The following LAMA2 variants were observed in gnomAD, a reference collection of about 807,000 sequenced individuals.
LAMA2 encodes laminin subunit alpha-2.
A neutral mutation model predicts 364.8 loss-of-function variants in LAMA2; 269 were observed. That is an observed-to-expected ratio of 0.74 (90% confidence interval 0.67 to 0.82). LAMA2 has a LOEUF of 0.82. Among genes scored for constraint, LAMA2 ranks in the 40% least tolerant of loss-of-function variants. The probability of loss-of-function intolerance (pLI) is 0.00; values close to 1 mark genes in which losing one functional copy is unlikely to be tolerated. For missense variants in LAMA2, 3,807 were observed against 3,873.2 expected, an observed-to-expected ratio of 0.98 and a Z score of 0.45; for synonymous variants, 1,379 against 1,370.6, an observed-to-expected ratio of 1.01 and a Z score of -0.14.
In LAMA2 at chr6:129,165,634, T is replaced by C; in HGVS notation, c.1265T>C (p.Leu422Ser). The stretch of plus-strand genomic sequence containing the variant: ...TGTCATTGCGATCCAATTGGTTCCT[T>C]AAATGAAGTCTGTGTCAAGGATGAG... ...QPCHCDPIGSLNEVCVKDEKH... is the reference protein window; with the variant it reads ...QPCHCDPIGSSNEVCVKDEKH... Residue 422 changes from leucine to serine, a missense_variant, in exon 9 of 65, where the codon TTA becomes TCA. Physicochemically the swap from Leu to Ser is moderately radical, Grantham distance 145 (BLOSUM62 -2). This residue lies in a region of LAMA2 where 3,333 missense variants were observed against 3,345.7 expected (regional missense o/e 1.00). Transcript: ENST00000421865. 1 of 1,613,320 alleles carries C rather than the reference T, an allele frequency of 6.2e-7. No individual in the cohort carries two copies. Among genetic ancestry groups the C allele is most frequent in the South Asian group, 1.1e-5 (1 of 91,002 alleles).
chr6:129,247,931 C>A (rs887057385), intron 12 of LAMA2, among the ~76,000 whole-genome samples: 2 of 152,082 alleles, frequency 1.3e-5, no homozygotes, highest in Non-Finnish European at 2.9e-5. Flanking sequence ...CCTCTTTTCC[C>A]CCTTCCCACC....
At chr6:129,238,218 A>G (rs1435470218) in intron 12 of LAMA2, among the ~76,000 whole-genome samples, 1 of 152,066 alleles carries the variant, frequency 6.6e-6, no homozygotes, top group Admixed American at 6.6e-5. Context: ...TTTCCACACA[A>G]GCATTTAAAA....
intron 12 of LAMA2, among the ~76,000 whole-genome samples, chr6:129,225,117 G>T (rs1784155024): frequency 6.6e-6 from 1 of 152,150 alleles, no homozygotes; most frequent in African/African-American, 2.4e-5. Flanking sequence ...TAGTTTATTT[G>T]CATAGAGGTG....
intron 1 of LAMA2, among the ~76,000 whole-genome samples, chr6:129,033,431 A>G (rs1019837625): frequency 2.0e-5 from 3 of 152,182 alleles, no homozygotes; most frequent in Non-Finnish European, 4.4e-5. Flanking sequence ...ATCAAAGCAT[A>G]GATGAGTCTC....
At chr6:129,107,592 A>AAAT (rs1372503494) in intron 4 of LAMA2, among the ~76,000 whole-genome samples, 1 of 152,182 alleles carries the variant, frequency 6.6e-6, no homozygotes, top group African/African-American at 2.4e-5. Context: ...AAGTAGACAA[A>AAAT]AATAATAATA....
chr6:129,350,922 A>G (rs1776819298), intron 31 of LAMA2, among the ~76,000 whole-genome samples: 1 of 152,204 alleles, frequency 6.6e-6, no homozygotes, highest in African/African-American at 2.4e-5. Context: ...AAAACAGTGG[A>G]TTCACAATTT....
At position 129,402,412 on chromosome 6, in the gene LAMA2, G is replaced by A. The variant is rs1469843993; in HGVS notation, c.5651G>A (p.Arg1884Lys). 6.2e-7 allele frequency: 1 copy of A among 1,614,080 alleles called. No individual in the cohort carries two copies. The highest frequency in any genetic ancestry group is 1.7e-5 in the Admixed American group (1 of 60,022). Residue 1884 changes from arginine to lysine, a missense_variant, in exon 39 of 65, where the codon AGG (arginine) becomes AAG (lysine). Transcript: ENST00000421865. ...IDDLSQEIKD[R>K]KLAEKVSQAE... ...GACCTCTCCCAAGAAATAAAGGACA[G>A]GAAGCTTGCTGAGAAGGTGTCCCAG...
chr6:129,334,867 G>T (rs1393085232), intron 29 of LAMA2, among the ~76,000 whole-genome samples: 1 of 152,036 alleles, frequency 6.6e-6, no homozygotes, highest in African/African-American at 2.4e-5. Context: ...GCCTCATGAT[G>T]TAATCACCTC....
At position 129,516,340 on chromosome 6, in the gene LAMA2, C is replaced by CCAA. The variant is rs1331228995; in HGVS notation, c.9364_9366dup (p.Asn3122dup). 1.9e-6 allele frequency: 3 copies of CCAA among 1,613,864 alleles called. No homozygotes were observed. Among genetic ancestry groups the CCAA allele is most frequent in the Non-Finnish European group, 1.7e-6 (2 of 1,179,886 alleles). ...GGCGTTCAACCTGTATCATGCCCAG[C>CCAA]CAACTAATAAAAATAAGTGTAACCC... is the stretch of plus-strand genomic sequence containing the variant. On this transcript the variant is annotated inframe_insertion, in exon 65 of 65. Transcript: ENST00000421865.
chr6:129,484,379 T>G (rs1055876456), intron 55 of LAMA2, among the ~76,000 whole-genome samples: 4 of 152,210 alleles, frequency 2.6e-5, no homozygotes, highest in African/African-American at 4.8e-5. Flanking sequence ...TCTCCTGAAG[T>G]TGAACATGTG....
chr6:128,927,611 C>T (rs1026866571), intron 1 of LAMA2, among the ~76,000 whole-genome samples: 1 of 152,136 alleles, frequency 6.6e-6, no homozygotes, highest in Non-Finnish European at 1.5e-5. Flanking sequence ...CCTCACCCAC[C>T]TCCATCAAGT....
chr6:129,392,978 A>T, intron 36 of LAMA2, 67 bp from the exon 37 acceptor site: 1 of 1,228,844 alleles, frequency 8.1e-7, no homozygotes, highest in South Asian at 1.2e-5. Context: ...AACATGGTTT[A>T]ATACCAATAA....
chr6:129,308,119 T>C (rs561611116), intron 22 of LAMA2, among the ~76,000 whole-genome samples: 25 of 152,216 alleles, frequency 1.6e-4, no homozygotes, highest in Non-Finnish European at 3.5e-4. Context: ...AGACATGTGA[T>C]TAGAAAAAAT....
intron 60 of LAMA2, among the ~76,000 whole-genome samples, chr6:129,504,774 G>GTATCTGAA (rs1194133819): frequency 7.2e-5 from 11 of 152,198 alleles, no homozygotes; most frequent in Admixed American, 5.9e-4. Flanking sequence ...GGGATGTAGC[G>GTATCTGAA]TATCTGAAAT....
intron 58 of LAMA2, among the ~76,000 whole-genome samples, chr6:129,493,532 C>T (rs918153689): frequency 1.3e-5 from 2 of 152,184 alleles, no homozygotes; most frequent in African/African-American, 4.8e-5. Flanking sequence ...ATTAACAGCA[C>T]AGACATCAAA....
At position 129,516,317 on chromosome 6, in the gene LAMA2, C is replaced by T. The variant is rs182391310; in HGVS notation, c.9339C>T (p.Gly3113=). 1.7e-5 allele frequency: 27 copies of T among 1,614,034 alleles called. No homozygotes were observed. Among genetic ancestry groups the T allele is most frequent in the East Asian group, 1.1e-4 (5 of 44,854 alleles). ...TTGCCAAGGCCCTGGAACTGAGGGGCGTTCAACCTGTATCATGCCCAGCCA... is the reference window on the plus strand; with the variant it reads ...TTGCCAAGGCCCTGGAACTGAGGGGTGTTCAACCTGTATCATGCCCAGCCA... The part of the protein sequence containing the change: ...VNFAKALELR[G]VQPVSCPAN The change falls in exon 65 of 65, where the codon GGC becomes GGT. Residue 3113 remains glycine (G), a synonymous_variant. Transcript: ENST00000421865.
intron 12 of LAMA2, among the ~76,000 whole-genome samples, chr6:129,231,719 T>C (rs746867569): frequency 8.0e-5 from 12 of 150,022 alleles, no homozygotes; most frequent in Non-Finnish European, 1.3e-4. Flanking sequence ...TCTTTTTACA[T>C]TGATGATTAA....
chr6:129,380,094 T>A (rs1407871377), intron 34 of LAMA2, among the ~76,000 whole-genome samples: 1 of 152,124 alleles, frequency 6.6e-6, no homozygotes, highest in East Asian at 1.9e-4. Context: ...CCATTAGAGT[T>A]GTGAATAGTG....
At chr6:128,927,417 A>G (rs1398079284) in intron 1 of LAMA2, among the ~76,000 whole-genome samples, 2 of 152,202 alleles carry the variant, frequency 1.3e-5, no homozygotes, top group Non-Finnish European at 1.5e-5. Context: ...AGTCTCATCT[A>G]GGCACACAGA....
Sources: allele counts gnomAD v4.1 joint callset (sites outside exome capture counted in the v4.1 genomes callset), GRCh38; gene constraint gnomAD v4.1.1; regional missense constraint gnomAD v4.1.1; transcripts MANE v1.5; gene names NCBI Gene and HGNC (gene_info 2026-07-23, HGNC 2026-07-21).